The following RGS7 variants were observed in gnomAD, a reference collection of about 807,000 sequenced individuals.
The protein encoded by RGS7 is regulator of G-protein signaling 7.
Under a neutral mutation model 81.1 loss-of-function variants are expected in RGS7, and 27 were observed. That is an observed-to-expected ratio of 0.33 (90% CI 0.25 to 0.46). The LOEUF (loss-of-function observed/expected upper bound fraction) is 0.46, where lower values mean the gene tolerates loss of function less well. Among genes scored for constraint, RGS7 ranks in the 20% least tolerant of loss-of-function variants. The pLI is 1.00. For missense variants in RGS7, 396 were observed against 607.4 expected, an observed-to-expected ratio of 0.65 and a Z score of 3.66; for synonymous variants, 208 against 207.7, an observed-to-expected ratio of 1.00 and a Z score of -0.01.
At chr1:240,968,659 C>T (rs1682724408) in intron 4 of RGS7, among the ~76,000 whole-genome samples, 1 of 152,010 alleles carries the variant, frequency 6.6e-6, no homozygotes, top group African/African-American at 2.4e-5. Flanking sequence ...TTTTTAGACT[C>T]ATTATTTTTA....
chr1:240,844,837 T>C (rs1658769566), intron 9 of RGS7, among the ~76,000 whole-genome samples: 1 of 152,204 alleles, frequency 6.6e-6, no homozygotes, highest in South Asian at 2.1e-4. Context: ...CAGCTCAAGG[T>C]ATCAGTAATG....
At chr1:241,189,843 C>G (rs147955944) in intron 2 of RGS7, among the ~76,000 whole-genome samples, 4 of 152,204 alleles carry the variant, frequency 2.6e-5, no homozygotes, top group South Asian at 4.1e-4. Flanking sequence ...AGGCTGGGCG[C>G]GGTGGCTCAC....
intron 2 of RGS7, among the ~76,000 whole-genome samples, chr1:241,234,401 A>G (rs2075819348): frequency 6.6e-6 from 1 of 152,240 alleles, no homozygotes; most frequent in Admixed American, 6.5e-5. Flanking sequence ...TCTTGCATCC[A>G]GTGAGAGAAG....
intron 3 of RGS7, among the ~76,000 whole-genome samples, chr1:241,084,178 C>T (rs1480382225): frequency 2.0e-5 from 3 of 152,150 alleles, no homozygotes; most frequent in East Asian, 1.9e-4. Flanking sequence ...TTTAAGCCTA[C>T]GTTAATTAAT....
At chr1:241,060,423 GA>G (rs1442952645) in intron 3 of RGS7, among the ~76,000 whole-genome samples, 1 of 152,140 alleles carries the variant, frequency 6.6e-6, no homozygotes, top group Non-Finnish European at 1.5e-5. Context: ...TGAAAAAAAT[GA>G]AAGAACATGA....
intron 6 of RGS7, among the ~76,000 whole-genome samples, chr1:240,884,898 A>G (rs535904655): frequency 6.6e-6 from 1 of 152,352 alleles, no homozygotes; most frequent in Non-Finnish European, 1.5e-5. Flanking sequence ...GCGAAAATTG[A>G]CAAATAGTAT....
At chr1:240,964,379 A>G (rs1681956857) in intron 4 of RGS7, among the ~76,000 whole-genome samples, 1 of 152,174 alleles carries the variant, frequency 6.6e-6, no homozygotes, top group African/African-American at 2.4e-5. Flanking sequence ...CTTGGTAGCA[A>G]TAATTTATAG....
chr1:241,159,646 T>C (rs1045255916), intron 2 of RGS7, among the ~76,000 whole-genome samples: 8 of 152,170 alleles, frequency 5.3e-5, no homozygotes, highest in East Asian at 3.9e-4. Context: ...CAAAGTGTTA[T>C]GGGACCGAAG....
At chr1:241,030,654 G>A (rs974024823) in intron 3 of RGS7, among the ~76,000 whole-genome samples, 16 of 151,556 alleles carry the variant, frequency 1.1e-4, no homozygotes, top group South Asian at 2.1e-4. Context: ...CTCTCCTGTC[G>A]ACCATTCTAG....
intron 6 of RGS7, among the ~76,000 whole-genome samples, chr1:240,883,142 T>C (rs1666715261): frequency 6.7e-6 from 1 of 148,152 alleles, no homozygotes; most frequent in South Asian, 2.2e-4. Flanking sequence ...AGTCTATCGT[T>C]GTTGGACATT....
At chr1:241,236,206 G>A (rs2075968429) in intron 2 of RGS7, among the ~76,000 whole-genome samples, 1 of 148,000 alleles carries the variant, frequency 6.8e-6, no homozygotes, top group Non-Finnish European at 1.5e-5. Flanking sequence ...CTGAATGCAT[G>A]AATACCGTAA....
rs556812891 is a variant in RGS7, at chr1:241,334,311, T to C, written c.78+21388A>G. ...CTAATCACAAGGCCGGTGGTTGAAA[T>C]AGCAAGATTCATCCTCAGGCTTGCA... On this transcript the variant is annotated intron_variant, in intron 2 of 18. Transcript: ENST00000440928. Among the ~76,000 whole-genome samples, 7 of 152,268 alleles carry C rather than the reference T, an allele frequency of 4.6e-5. No individual in the cohort carries two copies. In the East Asian group the frequency reaches 7.7e-4, roughly 17 times the overall value.
At chr1:240,790,106 C>T (rs552350021) in intron 18 of RGS7, among the ~76,000 whole-genome samples, 1 of 152,150 alleles carries the variant, frequency 6.6e-6, no homozygotes, top group South Asian at 2.1e-4. Flanking sequence ...ATAGCGCATG[C>T]CTGTAATCCA....
Position 241,006,779 on chromosome 1 carries a change from C to T in RGS7, c.176-23650G>A, listed in dbSNP as rs936550577. On this transcript the variant is annotated intron_variant, in intron 3 of 18. Transcript: ENST00000440928. ...CTTATAGGTGGACTTTCTTCCACCT[C>T]TGCCACGAAAGATAGCAAGACCAAC... Among the ~76,000 whole-genome samples the T allele has an allele frequency of 2.0e-5, 3 of 152,196 alleles. No homozygotes were observed. The South Asian group carries it at 6.2e-4, about 31-fold the overall frequency.
intron 9 of RGS7, among the ~76,000 whole-genome samples, chr1:240,864,933 G>A (rs980420953): frequency 6.6e-6 from 1 of 152,014 alleles, no homozygotes; most frequent in Non-Finnish European, 1.5e-5. Context: ...AGCTGCATTT[G>A]CATTATCTGT....
chr1:240,852,137 G>C (rs1313679358), intron 9 of RGS7, among the ~76,000 whole-genome samples: 1 of 152,120 alleles, frequency 6.6e-6, no homozygotes, highest in Non-Finnish European at 1.5e-5. Flanking sequence ...AATTGATGTG[G>C]CAAACTTTAT....
chr1:240,826,222 C>T (rs983830811), intron 10 of RGS7, among the ~76,000 whole-genome samples: 4 of 152,100 alleles, frequency 2.6e-5, no homozygotes, highest in Admixed American at 6.5e-5. Flanking sequence ...TGCTTTGCTT[C>T]AGCTTCTTTA....
chr1:241,342,127 G>C (rs1212280464), intron 2 of RGS7, among the ~76,000 whole-genome samples: 2 of 151,918 alleles, frequency 1.3e-5, no homozygotes, highest in African/African-American at 4.8e-5. Context: ...GTCCACCTCA[G>C]CCTTCCAAAG....
intron 4 of RGS7, among the ~76,000 whole-genome samples, chr1:240,959,858 A>G (rs1419533450): frequency 6.6e-6 from 1 of 152,128 alleles, no homozygotes; most frequent in African/African-American, 2.4e-5. Context: ...ATACATTTGG[A>G]GTGAAAAATG....
Sources: gnomAD v4.1 joint callset for allele counts (sites outside exome capture counted in the v4.1 genomes callset) on GRCh38, gnomAD v4.1.1 for gene constraint, MANE v1.5 for transcripts, NCBI Gene and HGNC (gene_info 2026-07-23, HGNC 2026-07-21) for gene names.